Variants in NELL2 observed in about 807,000 individuals in gnomAD.
NELL2 encodes protein kinase C-binding protein NELL2.
Under a neutral mutation model 109.6 loss-of-function variants are expected in NELL2, and 41 were observed. That is an observed-to-expected ratio of 0.37 (90% CI 0.29 to 0.49). NELL2 has a LOEUF of 0.49. Ranked by LOEUF, NELL2 falls within the 20% of genes least tolerant of loss-of-function variation. NELL2 has a pLI of 0.98. For synonymous variants in NELL2, 355 were observed against 344.7 expected (o/e 1.03, Z -0.33); for missense variants, 900 against 1,008.3 (o/e 0.89, Z 1.45).
At chr12:44,521,509 G>C (rs975614484) in intron 18 of NELL2, among the ~76,000 whole-genome samples, 3 of 137,834 alleles carry the variant, frequency 2.2e-5, no homozygotes, top group African/African-American at 9.6e-5. Flanking sequence ...CAGCCTGGGC[G>C]ACAGAGCGAG....
At chr12:44,812,725 A>G (rs1046198260) in intron 3 of NELL2, among the ~76,000 whole-genome samples, 7 of 152,198 alleles carry the variant, frequency 4.6e-5, no homozygotes, top group Non-Finnish European at 1.0e-4. Context: ...GAGATGATAG[A>G]AGGCAATATC....
At chr12:44,648,724 T>C (rs1440940354) in intron 13 of NELL2, among the ~76,000 whole-genome samples, 2 of 106,114 alleles carry the variant, frequency 1.9e-5, no homozygotes, top group Non-Finnish European at 3.4e-5. Flanking sequence ...TATATATATA[T>C]ATATATATTT....
At chr12:44,651,725 C>A (rs1232988193) in intron 13 of NELL2, among the ~76,000 whole-genome samples, 1 of 152,014 alleles carries the variant, frequency 6.6e-6, no homozygotes. Context: ...CACTTGAACA[C>A]CATAAATCAT....
At chr12:44,738,242 G>C (rs1939757097) in intron 9 of NELL2, among the ~76,000 whole-genome samples, 1 of 152,082 alleles carries the variant, frequency 6.6e-6, no homozygotes, top group Non-Finnish European at 1.5e-5. Flanking sequence ...TCAATCACAA[G>C]TGTTTTCTCA....
chr12:44,863,132 T>A (rs572941600), intron 2 of NELL2, among the ~76,000 whole-genome samples: 3 of 152,160 alleles, frequency 2.0e-5, no homozygotes, highest in Admixed American at 6.5e-5. Context: ...GTGTGATGTT[T>A]CCCTCCCTGT....
rs80288426 is a variant in NELL2, at chr12:44,771,346, TAA to T, written c.994+3399_994+3400del. 5.9e-3 allele frequency among the ~76,000 whole-genome samples: 845 copies of T among 143,974 alleles called. 3 individuals are homozygous for T. The highest frequency in any genetic ancestry group is 8.7e-3 in the South Asian group (39 of 4,488). 94.5% of individuals were successfully genotyped at this position (143,974 alleles called of 152,430 possible). On this transcript the variant is annotated intron_variant, in intron 9 of 19. Coordinates refer to ENST00000429094, the MANE Select transcript of NELL2 (RefSeq NM_001145108.2). Reference sequence around the variant, plus strand: ...GATTAATTATAACAGATGGTTTTTTTAAAAAAAAAAAAGGAAAGCAGGCTGTC... The same window carrying T: ...GATTAATTATAACAGATGGTTTTTTTAAAAAAAAAAGGAAAGCAGGCTGTC...
At chr12:44,848,168 A>C (rs1759034668) in intron 2 of NELL2, among the ~76,000 whole-genome samples, 1 of 152,168 alleles carries the variant, frequency 6.6e-6, no homozygotes, top group African/African-American at 2.4e-5. Context: ...CAGCAGTGTT[A>C]AGGCTAAGGA....
intron 1 of NELL2, among the ~76,000 whole-genome samples, chr12:44,899,295 C>A (rs1173525928): frequency 6.6e-6 from 1 of 151,900 alleles, no homozygotes; most frequent in Non-Finnish European, 1.5e-5. Flanking sequence ...GAAGAGCAAC[C>A]CAAAGACACA....
Position 44,545,780 on chromosome 12 carries a change from T to C in NELL2, c.1664-13059A>G, listed in dbSNP as rs1417851684. Among the ~76,000 whole-genome samples the C allele has an allele frequency of 3.3e-5, 5 of 152,134 alleles. No individual in the cohort carries two copies. In the South Asian group the frequency reaches 8.3e-4, roughly 25 times the overall value. ...AAATCAGGTGATATGATAGAGAATA[T>C]GGATGTGAAGCATCTATTGGCTCTG... On this transcript the variant is annotated intron_variant, in intron 15 of 19. Coordinates refer to ENST00000429094, the MANE Select transcript of NELL2 (RefSeq NM_001145108.2).
intron 9 of NELL2, among the ~76,000 whole-genome samples, chr12:44,760,202 C>T (rs539126015): frequency 3.9e-5 from 6 of 152,108 alleles, no homozygotes; most frequent in East Asian, 3.9e-4. Context: ...AGTCCACCTC[C>T]GAAATATTTC....
chr12:44,569,600 T>TA (rs903599673), intron 15 of NELL2, among the ~76,000 whole-genome samples: 3 of 152,178 alleles, frequency 2.0e-5, no homozygotes, highest in African/African-American at 7.2e-5. Context: ...TAGACCTCTT[T>TA]AAAGATTTTA....
intron 2 of NELL2, 25 bp downstream of exon 2, chr12:44,875,199 GT>G (rs1208185471): frequency 6.2e-7 from 1 of 1,600,712 alleles, no homozygotes; most frequent in African/African-American, 1.3e-5. Flanking sequence ...TGAAATCACA[GT>G]GGGGATGCAG....
intron 19 of NELL2, among the ~76,000 whole-genome samples, chr12:44,511,964 A>G (rs575974366): frequency 1.4e-4 from 22 of 152,300 alleles, no homozygotes; most frequent in African/African-American, 5.3e-4. Flanking sequence ...CAGGCAACAA[A>G]AACAAAAATA....
In NELL2 at chr12:44,890,620, T is replaced by C. The variant is rs17095204; in HGVS notation, c.39-14720A>G. On this transcript the variant is annotated intron_variant, in intron 1 of 20. Coordinates refer to the NELL2 transcript ENST00000333837. ...GGCTTAGTCAATCACGTCTATGTTT[T>C]TTTCAGGTCACCTCCAGTTTAAAAC... Among the ~76,000 whole-genome samples, 1,088 of 152,286 alleles carry C rather than the reference T, an allele frequency of 7.1e-3. 61 individuals are homozygous for C. In the East Asian group the frequency reaches 0.16, roughly 22 times the overall value.
intron 3 of NELL2, among the ~76,000 whole-genome samples, chr12:44,802,780 G>A (rs1464388694): frequency 6.6e-6 from 1 of 151,972 alleles, no homozygotes; most frequent in Non-Finnish European, 1.5e-5. Flanking sequence ...ATGAATAAGA[G>A]TAAGAGTAAA....
intron 19 of NELL2, among the ~76,000 whole-genome samples, chr12:44,511,180 AG>A (rs1192866362): frequency 2.0e-5 from 3 of 152,222 alleles, no homozygotes; most frequent in African/African-American, 7.2e-5. Flanking sequence ...CTGCTATAAC[AG>A]GATTCTACAA....
At chr12:44,704,404 G>T (rs1937738936) in intron 11 of NELL2, among the ~76,000 whole-genome samples, 1 of 152,226 alleles carries the variant, frequency 6.6e-6, no homozygotes, top group Middle Eastern at 3.4e-3. Context: ...GCAAGGCAAA[G>T]TATGCTCACT....
intron 2 of NELL2, among the ~76,000 whole-genome samples, chr12:44,855,924 G>C (rs937906538): frequency 8.5e-5 from 13 of 152,276 alleles, no homozygotes; most frequent in Admixed American, 2.0e-4. Context: ...CTTATGACTA[G>C]AGAAGAAAGC....
intron 13 of NELL2, among the ~76,000 whole-genome samples, chr12:44,625,030 A>T (rs909155190): frequency 7.1e-6 from 1 of 141,722 alleles, no homozygotes; most frequent in Non-Finnish European, 1.5e-5. Context: ...ATATATATAT[A>T]TATTTCTGAA....
Sources: gnomAD v4.1 joint callset for allele counts (sites outside exome capture counted in the v4.1 genomes callset) on GRCh38, gnomAD v4.1.1 for gene constraint, MANE v1.5 for transcripts, NCBI Gene and HGNC (gene_info 2026-07-23, HGNC 2026-07-21) for gene names.